Variants in ATG2B observed in about 807,000 individuals in gnomAD.
ATG2B encodes the protein autophagy-related protein 2 homolog B.
Under a neutral mutation model 241.3 loss-of-function variants are expected in ATG2B, and 121 were observed. That is an observed-to-expected ratio of 0.50 (90% CI 0.43 to 0.58). ATG2B has a LOEUF of 0.58. Ranked by LOEUF, ATG2B falls within the 20% of genes least tolerant of loss-of-function variation. The probability of loss-of-function intolerance (pLI) is 0.00; values close to 1 mark genes in which losing one functional copy is unlikely to be tolerated. For synonymous variants in ATG2B, 858 were observed against 876.6 expected (o/e 0.98, Z 0.37); for missense variants, 2,306 against 2,491.6 (o/e 0.93, Z 1.59).
At chr14:96,294,833 C>A in intron 36 of ATG2B, 127 bp downstream of exon 36, 1 of 765,844 alleles carries the variant, frequency 1.3e-6, no homozygotes, top group Non-Finnish European at 2.1e-6. Context: ...GATAAATACA[C>A]CAGCTGATGA....
intron 6 of ATG2B, among the ~76,000 whole-genome samples, chr14:96,340,422 A>T (rs899743018): frequency 3.3e-5 from 5 of 152,056 alleles, no homozygotes; most frequent in African/African-American, 1.2e-4. Flanking sequence ...ACTAGAAGCC[A>T]TTATGTTAAG....
Position 96,281,537 on chromosome 14 carries a change from A to G in ATG2B, c.*4218T>C, listed in dbSNP as rs905915955. 3.3e-5 allele frequency: 5 copies of G among 152,248 alleles called. No individual in the cohort carries two copies. Among genetic ancestry groups the G allele is most frequent in the African/African-American group, 7.2e-5 (3 of 41,462 alleles). The allele number at this position is 152,248 out of a possible 1,614,324, so 9.4% of individuals were successfully genotyped here. A position where few individuals can be genotyped will look rare whatever the true frequency, so the allele number is the denominator to read the frequency against. The stretch of plus-strand genomic sequence containing the variant: ...CTAGACACCCCTACCAAATTTCTCA[A>G]TGAAAAAGCAAATAGCCCTGGGTGA... On this transcript the variant is annotated 3_prime_UTR_variant, in exon 42 of 42. Coordinates refer to ENST00000359933, the MANE Select transcript of ATG2B (RefSeq NM_018036.7).
chr14:96,348,828 T>C (rs1286237192), intron 1 of ATG2B, among the ~76,000 whole-genome samples: 5 of 152,206 alleles, frequency 3.3e-5, no homozygotes, highest in African/African-American at 7.2e-5. Flanking sequence ...CCTTTTACCC[T>C]GATGTAATTA....
chr14:96,319,801 G>C (rs1273396860), intron 18 of ATG2B, among the ~76,000 whole-genome samples: 1 of 152,118 alleles, frequency 6.6e-6, no homozygotes, highest in Non-Finnish European at 1.5e-5. Flanking sequence ...TAGGGCACGG[G>C]GAGTTCTTCG....
At chr14:96,330,051 G>GAA (rs34652288) in intron 11 of ATG2B, among the ~76,000 whole-genome samples, 11,609 of 134,702 alleles carry the variant, frequency 0.086, 759 homozygotes, top group African/African-American at 0.18. Context: ...TCAAAAATGG[G>GAA]AAAAAAAAAA....
intron 11 of ATG2B, 73 bp from the exon 12 acceptor site, chr14:96,329,707 T>C (rs1887682146): frequency 1.1e-6 from 1 of 942,690 alleles, no homozygotes; most frequent in Non-Finnish European, 1.6e-6. Flanking sequence ...TCTGACAAGT[T>C]CAAGTTATCA....
intron 1 of ATG2B, among the ~76,000 whole-genome samples, chr14:96,347,868 C>T (rs1888210353): frequency 6.6e-6 from 1 of 152,182 alleles, no homozygotes; most frequent in Non-Finnish European, 1.5e-5. Context: ...AAAGGCAACC[C>T]TCATACACTG....
chr14:96,307,066 G>C (rs545169194), intron 29 of ATG2B, 150 bp from the exon 30 acceptor site: 4 of 714,074 alleles, frequency 5.6e-6, no homozygotes, highest in South Asian at 1.9e-5. Flanking sequence ...GGCTTAAAGA[G>C]AGCTAAGTAA....
intron 36 of ATG2B, among the ~76,000 whole-genome samples, chr14:96,293,517 T>A (rs980439256): frequency 1.3e-5 from 2 of 152,204 alleles, no homozygotes; most frequent in African/African-American, 2.4e-5. Flanking sequence ...AATGAATAAA[T>A]GTTTGGAGGA....
chr14:96,299,393 C>T (rs908512463), intron 34 of ATG2B, among the ~76,000 whole-genome samples: 7 of 152,218 alleles, frequency 4.6e-5, no homozygotes, highest in Non-Finnish European at 1.0e-4. Flanking sequence ...CACCACAGCA[C>T]ATTAAAACTA....
intron 29 of ATG2B, among the ~76,000 whole-genome samples, chr14:96,308,552 C>T (rs1268184337): frequency 1.3e-5 from 2 of 150,008 alleles, no homozygotes; most frequent in Non-Finnish European, 3.0e-5. Context: ...ATCCACCTGC[C>T]TCAGCTTCCC....
chr14:96,290,273 C>G lies in ATG2B; in HGVS notation c.5856+163G>C, dbSNP rs1886448212. 7.9e-7 allele frequency: 1 copy of G among 1,261,044 alleles called. No individual in the cohort carries two copies. The highest frequency in any genetic ancestry group is 1.5e-5 in the African/African-American group (1 of 66,986). 78.1% of individuals were successfully genotyped at this position (1,261,044 alleles called of 1,614,324 possible). ...ACTGCTTTATTCTAATTATTTAACA[C>G]TAAACATTTAAGCAATAAAACAAGC... is the stretch of plus-strand genomic sequence containing the variant. On this transcript the variant is annotated intron_variant, in intron 40 of 41. Transcript: ENST00000359933. The surrounding 1 kb of genome is among the most constrained non-coding windows in gnomAD (Gnocchi z 4.4).
At chr14:96,361,634 G>C (rs1034393924) in intron 1 of ATG2B, among the ~76,000 whole-genome samples, 1 of 152,140 alleles carries the variant, frequency 6.6e-6, no homozygotes, top group Non-Finnish European at 1.5e-5. Flanking sequence ...GAGATGAAGT[G>C]TGTGCTCCAT....
intron 29 of ATG2B, among the ~76,000 whole-genome samples, chr14:96,309,200 C>G (rs1360284232): frequency 2.0e-5 from 3 of 152,050 alleles, no homozygotes; most frequent in African/African-American, 7.2e-5. Flanking sequence ...AGTTTTGTGC[C>G]CATTTGTTTT....
At chr14:96,327,934 C>A (rs1056777647) in intron 14 of ATG2B, among the ~76,000 whole-genome samples, 1 of 152,224 alleles carries the variant, frequency 6.6e-6, no homozygotes, top group Non-Finnish European at 1.5e-5. Context: ...TCTCATGCCT[C>A]AGCCTCCTGA....
At chr14:96,335,201 G>C (rs1887838237) in intron 6 of ATG2B, among the ~76,000 whole-genome samples, 1 of 152,110 alleles carries the variant, frequency 6.6e-6, no homozygotes, top group Non-Finnish European at 1.5e-5. Flanking sequence ...ATTCTAAAAA[G>C]CAGAATATCC....
chr14:96,284,618 G>C lies in ATG2B; in HGVS notation c.*1137C>G, dbSNP rs940520960. On this transcript the variant is annotated 3_prime_UTR_variant, in exon 42 of 42. Coordinates refer to ENST00000359933, the MANE Select transcript of ATG2B (RefSeq NM_018036.7). ...AATTTCCCTCTTACTCCTAGGTAAT[G>C]ATTTACCTGATATTAACCAAAATCG... The C allele has an allele frequency of 8.5e-5, 13 of 152,278 alleles. No individual in the cohort carries two copies. The highest frequency in any genetic ancestry group is 3.1e-4 in the African/African-American group (13 of 41,542). The allele number at this position is 152,278 out of a possible 1,614,324, so 9.4% of individuals were successfully genotyped here.
At chr14:96,313,518 G>A in intron 23 of ATG2B, 83 bp from the exon 24 acceptor site, 3 of 564,330 alleles carry the variant, frequency 5.3e-6, no homozygotes, top group Middle Eastern at 4.9e-4. Context: ...ATGTAAACCA[G>A]AATATCTCAC....
intron 23 of ATG2B, 44 bp downstream of exon 23, chr14:96,315,110 A>G (rs1407881323): frequency 1.4e-6 from 2 of 1,461,574 alleles, no homozygotes; most frequent in African/African-American, 1.4e-5. Flanking sequence ...AGATGTCAAC[A>G]CAAATTTTTA....
Sources: gnomAD v4.1 joint callset for allele counts (sites outside exome capture counted in the v4.1 genomes callset) on GRCh38, gnomAD v4.1.1 for gene constraint, Gnocchi (gnomAD v3.1) non-coding constraint, MANE v1.5 for transcripts, NCBI Gene and HGNC (gene_info 2026-07-23, HGNC 2026-07-21) for gene names.